Variants in BCL2L13 observed in about 807,000 individuals in gnomAD.
BCL2L13 encodes bcl-2-like protein 13.
Under a neutral mutation model 25.8 loss-of-function variants are expected in BCL2L13, and 13 were observed. The ratio of observed to expected loss-of-function variants is 0.50; its 90% CI spans 0.33 to 0.80. BCL2L13 has a LOEUF of 0.80. BCL2L13 is among the 30% of genes least tolerant of loss of function. The pLI is 0.02. For synonymous variants in BCL2L13, 244 were observed against 230.3 expected, an observed-to-expected ratio of 1.06 and a Z score of -0.54; for missense variants, 504 against 574.9, an observed-to-expected ratio of 0.88 and a Z score of 1.26.
intron 6 of BCL2L13, among the ~76,000 whole-genome samples, chr22:17,709,896 G>A (rs2060698149): frequency 6.6e-6 from 1 of 151,518 alleles, no homozygotes; most frequent in African/African-American, 2.4e-5. Context: ...GCAACATGGT[G>A]AGTGAGAGCC....
chr22:17,668,766 G>T (rs1360094338), intron 2 of BCL2L13, among the ~76,000 whole-genome samples: 1 of 152,074 alleles, frequency 6.6e-6, no homozygotes, highest in East Asian at 1.9e-4. Flanking sequence ...CGCTTGGCCT[G>T]ATCTGTTTTG....
intron 6 of BCL2L13, chr22:17,706,581 C>T: frequency 1.2e-6 from 1 of 857,964 alleles, no homozygotes; most frequent in Non-Finnish European, 1.5e-6. Context: ...CAGGTTTTCA[C>T]ATGCGTCTCT....
intron 6 of BCL2L13, chr22:17,703,755 GT>G (rs2060509539): frequency 6.6e-6 from 1 of 152,102 alleles, no homozygotes; most frequent in Non-Finnish European, 1.5e-5. Context: ...TTTTTGAGCT[GT>G]TCTTAAAAAT....
At chr22:17,714,878 G>A (rs956435425) in intron 6 of BCL2L13, among the ~76,000 whole-genome samples, 2 of 151,744 alleles carry the variant, frequency 1.3e-5, no homozygotes, top group African/African-American at 4.8e-5. Context: ...TTCTGGCCGG[G>A]CATGGTGGCT....
chr22:17,641,387 AT>A (rs147374238), intron 1 of BCL2L13, among the ~76,000 whole-genome samples: 1 of 150,918 alleles, frequency 6.6e-6, no homozygotes, highest in African/African-American at 2.4e-5. Context: ...AGATTGGTTT[AT>A]TTTTTTTTCT....
In BCL2L13 at chr22:17,727,186, C is replaced by T; in HGVS notation, c.1110C>T (p.Ser370=). ...PDTEVITVEK[S]SPATSLFVEL... is the part of the protein sequence containing the mutation. ...CAGAAGTGATCACAGTTGAGAAATC[C>T]AGCCCTGCTACATCTCTGTTTGTAG... Residue 370 remains serine, a synonymous_variant, in exon 7 of 7, where the codon TCC becomes TCT. Transcript: ENST00000317582. The T allele has an allele frequency of 6.2e-7, 1 of 1,614,248 alleles. No homozygotes were observed. The highest frequency in any genetic ancestry group is 8.5e-7 in the Non-Finnish European group (1 of 1,180,044).
In BCL2L13 at chr22:17,683,246, G is replaced by T. The variant is rs1396919193; in HGVS notation, c.154G>T (p.Asp52Tyr). The T allele has an allele frequency of 1.9e-6, 3 of 1,590,600 alleles. No homozygotes were observed. Among genetic ancestry groups the T allele is most frequent in the African/African-American group, 1.4e-5 (1 of 73,852 alleles). ...ACTAGATATAGCTTCACAATCTCTG[G>T]ATCAAGAAATTTTATTAAAAGTTAA... Reference protein sequence around the residue: ...VQLDIASQSLDQEILLKVKTE... With the variant: ...VQLDIASQSLYQEILLKVKTE... The change falls in exon 3 of 7, where the codon GAT becomes TAT. Residue 52 changes from aspartate to tyrosine, a missense_variant. By Grantham distance (160) the Asp-to-Tyr change is radical. Transcript: ENST00000317582.
In BCL2L13 at chr22:17,730,038, C is replaced by G. The variant is rs935112698; in HGVS notation, c.*2504C>G. 1 of 152,224 alleles carries G rather than the reference C, an allele frequency of 6.6e-6. No individual in the cohort carries two copies. Among genetic ancestry groups the G allele is most frequent in the Non-Finnish European group, 1.5e-5 (1 of 68,044 alleles). 9.4% of individuals were successfully genotyped at this position (152,224 alleles called of 1,614,324 possible). ...ATTCCTTCCACCTCCAACTTATACC[C>G]TCTAAGTCTAAGGTGAAGGAAAGAT... On this transcript the variant is annotated 3_prime_UTR_variant, in exon 7 of 7. Transcript: ENST00000317582.
intron 6 of BCL2L13, among the ~76,000 whole-genome samples, chr22:17,713,906 C>T (rs564021724): frequency 7.9e-5 from 12 of 151,898 alleles, no homozygotes; most frequent in Admixed American, 3.3e-4. Context: ...TTTGGGAGGC[C>T]GAGGCGGGCG....
At chr22:17,649,319 A>T (rs1026411792) in intron 1 of BCL2L13, among the ~76,000 whole-genome samples, 1 of 151,382 alleles carries the variant, frequency 6.6e-6, no homozygotes, top group African/African-American at 2.4e-5. Context: ...CTGGTCTGGA[A>T]CTCCTGACCT....
chr22:17,632,489 G>A (rs113430883), intron 1 of BCL2L13, among the ~76,000 whole-genome samples: 28 of 152,152 alleles, frequency 1.8e-4, no homozygotes, highest in African/African-American at 6.7e-4. Context: ...CAGATTGCAG[G>A]AGTATGGAAT....
At position 17,678,377 on chromosome 22, in the gene BCL2L13, C is replaced by T. The variant is rs141353711; in HGVS notation, c.122-4837C>T. 2.2e-4 allele frequency among the ~76,000 whole-genome samples: 33 copies of T among 152,074 alleles called. 1 individual carries two copies. Among genetic ancestry groups the T allele is most frequent in the East Asian group, 1.4e-3 (7 of 5,162 alleles). On this transcript the variant is annotated intron_variant, in intron 2 of 6. Coordinates refer to ENST00000317582, the MANE Select transcript of BCL2L13 (RefSeq NM_015367.4). ...AGTCCCTGTCAGAAGACAGTATCAC[C>T]GATATAGACAGCCTTTCTGCTCTCT...
chr22:17,640,434 A>G (rs1364562256), intron 1 of BCL2L13, among the ~76,000 whole-genome samples: 1 of 152,196 alleles, frequency 6.6e-6, no homozygotes, highest in Non-Finnish European at 1.5e-5. Context: ...AAAGATGCCT[A>G]AGGCTATATC....
chr22:17,658,310 A>G (rs1568938015), intron 2 of BCL2L13, among the ~76,000 whole-genome samples: 1 of 152,178 alleles, frequency 6.6e-6, no homozygotes, highest in Non-Finnish European at 1.5e-5. Context: ...AGACATTAAC[A>G]AAAGCCTTCA....
Position 17,631,664 on chromosome 22 carries a change from G to GTATATA in BCL2L13, c.-650+2660_-650+2661insATATAT, listed in dbSNP as rs2058019071. Among the ~76,000 whole-genome samples, 72 of 26,880 alleles carry GTATATA rather than the reference G, an allele frequency of 2.7e-3. 1 individual carries two copies. The highest frequency in any genetic ancestry group is 0.031 in the Middle Eastern group (1 of 32). The allele number at this position is 26,880 out of a possible 152,430, so 17.6% of individuals were successfully genotyped here. On this transcript the variant is annotated intron_variant, in intron 1 of 6. Coordinates refer to the BCL2L13 transcript ENST00000399782. ...ATGGTACGTGTGTGTATGTATGTGT[G>GTATATA]TGTGTGTATATATATATATATATAT...
chr22:17,630,586 C>CTTTT (rs34181282), intron 1 of BCL2L13, among the ~76,000 whole-genome samples: 5 of 126,254 alleles, frequency 4.0e-5, no homozygotes, highest in African/African-American at 1.1e-4. Context: ...CCTTCTTTTT[C>CTTTT]TTTTCTTTTT....
At chr22:17,693,230 TAATA>T (rs1325299485) in intron 4 of BCL2L13, among the ~76,000 whole-genome samples, 1 of 151,490 alleles carries the variant, frequency 6.6e-6, no homozygotes, top group South Asian at 2.1e-4. Context: ...AAACCTAACA[TAATA>T]AGCTACCAGT....
rs569633593 is a variant in BCL2L13 at position 17,658,761 on chromosome 22, T to TA, written c.121+2935dup. On this transcript the variant is annotated intron_variant, in intron 2 of 6. Coordinates refer to ENST00000317582, the MANE Select transcript of BCL2L13 (RefSeq NM_015367.4). ...AATAAAGATAACTATAATGCTTGTA[T>TA]AAAAAACATTAATTGGGCCAGGCAC... Among the ~76,000 whole-genome samples the TA allele has an allele frequency of 6.0e-5, 9 of 148,822 alleles. No individual in the cohort carries two copies. In the East Asian group the frequency reaches 1.6e-3, roughly 27 times the overall value.
chr22:17,720,349 T>A (rs58210163), intron 6 of BCL2L13, among the ~76,000 whole-genome samples: 19,105 of 151,860 alleles, frequency 0.13, 1,539 homozygotes, highest in African/African-American at 0.21. Flanking sequence ...GCTAATTTTT[T>A]AAATTTTTTA....
Sources: gnomAD v4.1 joint callset for allele counts (sites outside exome capture counted in the v4.1 genomes callset) on GRCh38, gnomAD v4.1.1 for gene constraint, MANE v1.5 for transcripts, NCBI Gene and HGNC (gene_info 2026-07-23, HGNC 2026-07-21) for gene names.